Variants in GABRB3 observed in about 807,000 individuals in gnomAD.
GABRB3 encodes the protein gamma-aminobutyric acid receptor subunit beta-3.
Under a neutral mutation model 52.1 loss-of-function variants are expected in GABRB3, and 14 were observed. The observed-to-expected ratio is 0.27, with a 90% CI of 0.18 to 0.42. The LOEUF (loss-of-function observed/expected upper bound fraction) is 0.42. GABRB3 is among the 10% of genes least tolerant of loss of function. The probability of loss-of-function intolerance (pLI) is 1.00; values close to 1 mark genes in which losing one functional copy is unlikely to be tolerated. For missense variants in GABRB3, 307 were observed against 609.1 expected (o/e 0.50, Z 5.22); for synonymous variants, 260 against 232.3 (o/e 1.12, Z -1.08).
At chr15:26,664,700 C>CTTTTTTTTTTTTTTTTTT (rs1471563872) in intron 3 of GABRB3, among the ~76,000 whole-genome samples, 1 of 92,782 alleles carries the variant, frequency 1.1e-5, no homozygotes, top group African/African-American at 3.9e-5. Flanking sequence ...CTTTTCTTTT[C>CTTTTTTTTTTTTTTTTTT]TTTGTTTTTT....
At chr15:26,593,981 AATATATAT>A (rs61218096) in intron 4 of GABRB3, among the ~76,000 whole-genome samples, 3 of 133,972 alleles carry the variant, frequency 2.2e-5, no homozygotes, top group Admixed American at 7.4e-5. Flanking sequence ...CTCATTTTAA[AATATATAT>A]ATATATATAT....
intron 3 of GABRB3, among the ~76,000 whole-genome samples, chr15:26,679,260 A>G (rs919649551): frequency 2.0e-5 from 3 of 152,166 alleles, no homozygotes; most frequent in Non-Finnish European, 4.4e-5. Flanking sequence ...TCACTCACTG[A>G]GCAATGTGGC....
chr15:26,603,821 C>T (rs1294508212), intron 4 of GABRB3, among the ~76,000 whole-genome samples: 1 of 152,014 alleles, frequency 6.6e-6, no homozygotes, highest in Non-Finnish European at 1.5e-5. Context: ...TAGTATCATA[C>T]TGAATGGGGA....
At chr15:26,735,667 T>C (rs1890045716) in intron 3 of GABRB3, among the ~76,000 whole-genome samples, 1 of 152,134 alleles carries the variant, frequency 6.6e-6, no homozygotes, top group Admixed American at 6.5e-5. Flanking sequence ...AAGCCAGTCA[T>C]GCTAGGCCCA....
chr15:26,567,255 C>T (rs1173683029), intron 7 of GABRB3, among the ~76,000 whole-genome samples: 1 of 152,180 alleles, frequency 6.6e-6, no homozygotes, highest in Non-Finnish European at 1.5e-5. Flanking sequence ...ATCAAGTCTT[C>T]TTTCTGGGCC....
At chr15:26,624,196 C>G in intron 3 of GABRB3, 1 of 985,502 alleles carries the variant, frequency 1.0e-6, no homozygotes, top group African/African-American at 1.7e-5. Flanking sequence ...TCCGCCCCTT[C>G]ATCACCATTA....
chr15:26,597,602 C>G (rs1032285570), intron 4 of GABRB3, among the ~76,000 whole-genome samples: 2 of 152,104 alleles, frequency 1.3e-5, no homozygotes, highest in African/African-American at 4.8e-5. Context: ...CCTAGATGAG[C>G]AGAGAAATGG....
rs529832924 is a variant in GABRB3, at chr15:26,641,933, A to G, written c.241-20399T>C. 2.0e-5 allele frequency among the ~76,000 whole-genome samples: 3 copies of G among 151,840 alleles called. 1 individual carries two copies. Among genetic ancestry groups the G allele is most frequent in the African/African-American group, 7.2e-5 (3 of 41,404 alleles). ...GAGACAAGGTCTCACTGTGTCACCC[A>G]AGCTAGAGTGCAGTGACTCGATCAT... On this transcript the variant is annotated intron_variant, in intron 3 of 8. Transcript: ENST00000311550.
intron 6 of GABRB3, among the ~76,000 whole-genome samples, chr15:26,572,041 T>C: frequency 7.7e-6 from 1 of 129,230 alleles, no homozygotes; most frequent in Middle Eastern, 4.3e-3. Flanking sequence ...CGAGACTCCG[T>C]CTCAAGAAAA....
At chr15:26,606,805 T>TATCGATAGATATATTGATAGATAGATAG (rs1275882932) in intron 4 of GABRB3, among the ~76,000 whole-genome samples, 3 of 117,950 alleles carry the variant, frequency 2.5e-5, no homozygotes, top group African/African-American at 8.3e-5. Context: ...TAGATATATC[T>TATCGATAGATATATTGATAGATAGATAG]ATAGATAGAT....
At chr15:26,591,876 C>T (rs1027712152) in intron 4 of GABRB3, among the ~76,000 whole-genome samples, 2 of 152,146 alleles carry the variant, frequency 1.3e-5, no homozygotes, top group African/African-American at 4.8e-5. Flanking sequence ...AATGTAGCTC[C>T]TCCGATGTTC....
intron 4 of GABRB3, among the ~76,000 whole-genome samples, chr15:26,617,128 T>TCA: frequency 6.6e-6 from 1 of 152,130 alleles, no homozygotes; most frequent in Non-Finnish European, 1.5e-5. Context: ...CCAGATGGAT[T>TCA]CACAGCCGAA....
At chr15:26,549,849 A>G (rs191335638) in intron 8 of GABRB3, among the ~76,000 whole-genome samples, 38 of 152,054 alleles carry the variant, frequency 2.5e-4, no homozygotes, top group African/African-American at 8.5e-4. Context: ...CCCAAACCCC[A>G]GTTCCAGGAA....
chr15:26,705,074 C>G (rs1159799940), intron 3 of GABRB3, among the ~76,000 whole-genome samples: 5 of 152,160 alleles, frequency 3.3e-5, no homozygotes, highest in Non-Finnish European at 7.3e-5. Flanking sequence ...CAAGTCCTGC[C>G]CTAGTCCAGT....
chr15:26,547,396 T>C lies in GABRB3; in HGVS notation c.*397A>G. ...CTAACTTATGATAATACAAGACACATTTGGGGATGATATTGTGTTTCACGC... is the reference window on the plus strand; with the variant it reads ...CTAACTTATGATAATACAAGACACACTTGGGGATGATATTGTGTTTCACGC... On this transcript the variant is annotated 3_prime_UTR_variant, in exon 9 of 9. Coordinates refer to ENST00000311550, the MANE Select transcript of GABRB3 (RefSeq NM_000814.6). The C allele has an allele frequency of 2.3e-6, 1 of 431,012 alleles. No individual in the cohort carries two copies. The highest frequency in any genetic ancestry group is 4.1e-6 in the Non-Finnish European group (1 of 244,872). The allele number at this position is 431,012 out of a possible 1,614,324, so 26.7% of individuals were successfully genotyped here.
chr15:26,656,752 C>T (rs1167788075), intron 3 of GABRB3, among the ~76,000 whole-genome samples: 1 of 152,172 alleles, frequency 6.6e-6, no homozygotes, highest in African/African-American at 2.4e-5. Context: ...CAAACCATAC[C>T]CCTCCCCCAA....
chr15:26,683,959 C>T (rs1413993023), intron 3 of GABRB3, among the ~76,000 whole-genome samples: 1 of 152,076 alleles, frequency 6.6e-6, no homozygotes, highest in Non-Finnish European at 1.5e-5. Context: ...TTTTCAGATG[C>T]TGCTGAGTTA....
chr15:26,671,395 A>T (rs941545595), intron 3 of GABRB3, among the ~76,000 whole-genome samples: 13 of 152,252 alleles, frequency 8.5e-5, no homozygotes, highest in African/African-American at 3.1e-4. Context: ...AGATGGCCTT[A>T]GTTGTACCAC....
chr15:26,589,429 C>T (rs1337335015), intron 4 of GABRB3, among the ~76,000 whole-genome samples: 1 of 152,138 alleles, frequency 6.6e-6, no homozygotes, highest in East Asian at 1.9e-4. Flanking sequence ...TCCAGCAATG[C>T]ACACAATCTC....
Sources: allele counts gnomAD v4.1 joint callset (sites outside exome capture counted in the v4.1 genomes callset), GRCh38; gene constraint gnomAD v4.1.1; transcripts MANE v1.5; gene names NCBI Gene and HGNC (gene_info 2026-07-23, HGNC 2026-07-21).